KCNQ1: variants seen among roughly 807,000 people sequenced by gnomAD.
KCNQ1 encodes the protein potassium voltage-gated channel subfamily Q member 1.
KCNQ1 carries 49 observed loss-of-function variants against 72.4 expected under a neutral mutation model. That is an observed-to-expected ratio of 0.68 (90% CI 0.54 to 0.86). KCNQ1 has a LOEUF of 0.86. Among genes scored for constraint, KCNQ1 ranks in the 40% least tolerant of loss-of-function variants. The pLI is 0.00. For synonymous variants in KCNQ1, 450 were observed against 412.6 expected, an observed-to-expected ratio of 1.09 and a Z score of -1.10; for missense variants, 790 against 945.1, an observed-to-expected ratio of 0.84 and a Z score of 2.15.
rs1043623051 is a variant in KCNQ1 at position 2,652,819 on chromosome 11, C to T, written c.1394-9142C>T. ...CACCCTTGGGCCTGCAGAGACATTTCCGTTCACTCTGAGATTTGTGTATGC... is the reference window on the plus strand; with the variant it reads ...CACCCTTGGGCCTGCAGAGACATTTTCGTTCACTCTGAGATTTGTGTATGC... On this transcript the variant is annotated intron_variant, in intron 10 of 15. Transcript: ENST00000155840. The surrounding 1 kb of genome is among the most constrained non-coding windows in gnomAD (Gnocchi z 5.9). The T allele has an allele frequency of 2.5e-6, 1 of 399,068 alleles. No individual in the cohort carries two copies. The allele number at this position is 399,068 out of a possible 1,614,324, so 24.7% of individuals were successfully genotyped here.
At chr11:2,831,698 T>C (rs1340402047) in intron 15 of KCNQ1, among the ~76,000 whole-genome samples, 1 of 106,524 alleles carries the variant, frequency 9.4e-6, no homozygotes, top group Non-Finnish European at 1.9e-5. Flanking sequence ...TCCAGCACCC[T>C]TCTCCCCGCT....
At chr11:2,798,934 G>A (rs1476919413) in intron 15 of KCNQ1, among the ~76,000 whole-genome samples, 2 of 152,158 alleles carry the variant, frequency 1.3e-5, no homozygotes, top group Admixed American at 6.5e-5. Flanking sequence ...AGGAGAGGAA[G>A]AAGAGGAAGG....
intron 2 of KCNQ1, among the ~76,000 whole-genome samples, chr11:2,558,788 T>G (rs1848112770): frequency 6.6e-6 from 1 of 152,048 alleles, no homozygotes; most frequent in South Asian, 2.1e-4. Context: ...TCTCCTCCCC[T>G]CCATGGGTGG....
At chr11:2,800,663 A>G (rs1031020115) in intron 15 of KCNQ1, among the ~76,000 whole-genome samples, 7 of 152,300 alleles carry the variant, frequency 4.6e-5, no homozygotes, top group African/African-American at 1.2e-4. Context: ...CCAAGGTCCA[A>G]CGCCCAGCTT....
At chr11:2,763,879 T>C (rs932207443) in intron 11 of KCNQ1, among the ~76,000 whole-genome samples, 2 of 151,868 alleles carry the variant, frequency 1.3e-5, no homozygotes, top group Admixed American at 6.6e-5. Context: ...ATAATTATTA[T>C]ATATCATCCT....
At position 2,616,173 on chromosome 11, in the gene KCNQ1, C is replaced by T. The variant is rs1376525042; in HGVS notation, c.1393+27319C>T. The T allele has an allele frequency of 1.8e-5, 7 of 396,080 alleles. No individual in the cohort carries two copies. The East Asian group carries it at 2.5e-4, about 14-fold the overall frequency. The allele number at this position is 396,080 out of a possible 1,614,324, so 24.5% of individuals were successfully genotyped here. ...TATTCTTTTATCACACTTTTTATTT[C>T]TGTAAGATCAGTTATATCGTTCCCA... On this transcript the variant is annotated intron_variant, in intron 10 of 15. Coordinates refer to ENST00000155840, the MANE Select transcript of KCNQ1 (RefSeq NM_000218.3).
chr11:2,548,947 C>T (rs1847939016), intron 2 of KCNQ1, among the ~76,000 whole-genome samples: 1 of 152,222 alleles, frequency 6.6e-6, no homozygotes, highest in Admixed American at 6.5e-5. Context: ...ACCACTGCCC[C>T]AGCCCTCCTG....
intron 2 of KCNQ1, among the ~76,000 whole-genome samples, chr11:2,529,587 G>A (rs1847576547): frequency 6.6e-6 from 1 of 152,216 alleles, no homozygotes. Context: ...CACATAGGGA[G>A]TTTCTAGTCT....
rs578170193 is a variant in KCNQ1 at position 2,679,244 on chromosome 11, G to A, written c.1514+17163G>A. ...CTGGTCCAGAGGACTACAGCTGCCT[G>A]TCCCACCCTTGGCTGTGCTCTCCTT... On this transcript the variant is annotated intron_variant, in intron 11 of 15. Coordinates refer to ENST00000155840, the MANE Select transcript of KCNQ1 (RefSeq NM_000218.3). The surrounding 1 kb of genome is among the most constrained non-coding windows in gnomAD (Gnocchi z 4.8). 3.5e-4 allele frequency: 139 copies of A among 398,670 alleles called. No individual in the cohort carries two copies. Among genetic ancestry groups the A allele is most frequent in the Non-Finnish European group, 5.4e-4 (123 of 226,092 alleles). 24.7% of individuals were successfully genotyped at this position (398,670 alleles called of 1,614,324 possible).
chr11:2,551,892 G>A (rs1847988604), intron 2 of KCNQ1, among the ~76,000 whole-genome samples: 1 of 152,240 alleles, frequency 6.6e-6, no homozygotes, highest in Non-Finnish European at 1.5e-5. Flanking sequence ...TCCTTTGATG[G>A]AGGATCTGTC....
rs1846884158 is a variant in KCNQ1, at chr11:2,784,906, A to C, written c.1794+6869A>C. 6.6e-6 allele frequency among the ~76,000 whole-genome samples: 1 copy of C among 151,976 alleles called. No individual in the cohort carries two copies. The highest frequency in any genetic ancestry group is 6.5e-5 in the Admixed American group (1 of 15,270). On this transcript the variant is annotated intron_variant, in intron 15 of 15. Coordinates refer to ENST00000155840, the MANE Select transcript of KCNQ1 (RefSeq NM_000218.3). The surrounding 1 kb of genome is among the most constrained non-coding windows in gnomAD (Gnocchi z 4.7). ...AACTGACTTTTCTATTCTTGGCTTTAGCCATTTTTGTTGTTGCTATTGATT... is the reference window on the plus strand; with the variant it reads ...AACTGACTTTTCTATTCTTGGCTTTCGCCATTTTTGTTGTTGCTATTGATT...
At chr11:2,842,524 C>T (rs1848234316) in intron 15 of KCNQ1, among the ~76,000 whole-genome samples, 1 of 152,238 alleles carries the variant, frequency 6.6e-6, no homozygotes, top group Non-Finnish European at 1.5e-5. Flanking sequence ...GGCAGGTGCA[C>T]TCCAACCCTT....
intron 2 of KCNQ1, among the ~76,000 whole-genome samples, chr11:2,557,905 A>T (rs1366688341): frequency 6.6e-6 from 1 of 152,262 alleles, no homozygotes; most frequent in Non-Finnish European, 1.5e-5. Flanking sequence ...TCTGCGGAAC[A>T]CTTACAAAAC....
chr11:2,574,831 T>G (rs1374733201), intron 6 of KCNQ1, among the ~76,000 whole-genome samples: 2 of 152,168 alleles, frequency 1.3e-5, no homozygotes, highest in Non-Finnish European at 2.9e-5. Flanking sequence ...AGGCCCCACT[T>G]TCGGCCTCTT....
At chr11:2,820,254 T>C (rs530194334) in intron 15 of KCNQ1, among the ~76,000 whole-genome samples, 37 of 152,352 alleles carry the variant, frequency 2.4e-4, no homozygotes, top group East Asian at 2.1e-3. Context: ...ACTCTTGGCA[T>C]GTAATCAGCT....
At chr11:2,837,112 C>T (rs910599537) in intron 15 of KCNQ1, among the ~76,000 whole-genome samples, 1 of 152,110 alleles carries the variant, frequency 6.6e-6, no homozygotes. Flanking sequence ...GAGGAAGAGG[C>T]TCACATGGTG....
At chr11:2,519,952 C>T (rs893137747) in intron 1 of KCNQ1, among the ~76,000 whole-genome samples, 5 of 152,332 alleles carry the variant, frequency 3.3e-5, no homozygotes, top group South Asian at 2.1e-4. Context: ...AAGGAGGATC[C>T]GGCCACATGC....
intron 6 of KCNQ1, among the ~76,000 whole-genome samples, chr11:2,573,220 C>T (rs1458442822): frequency 6.6e-6 from 1 of 152,178 alleles, no homozygotes; most frequent in Non-Finnish European, 1.5e-5. Flanking sequence ...CATCCTTGAA[C>T]TTGAGATTTG....
chr11:2,513,780 C>A (rs1487081265), intron 1 of KCNQ1, among the ~76,000 whole-genome samples: 4 of 152,256 alleles, frequency 2.6e-5, no homozygotes, highest in African/African-American at 9.6e-5. Flanking sequence ...ATTCTCTCTG[C>A]CTAGACTGGG....
Sources: gnomAD v4.1 joint callset for allele counts (sites outside exome capture counted in the v4.1 genomes callset) on GRCh38, gnomAD v4.1.1 for gene constraint, Gnocchi (gnomAD v3.1) non-coding constraint, MANE v1.5 for transcripts, NCBI Gene and HGNC (gene_info 2026-07-23, HGNC 2026-07-21) for gene names.